FAM90A20: variants seen among roughly 807,000 people sequenced by gnomAD.
The protein encoded by FAM90A20 is protein FAM90A20.
chr8:7,297,425 A>C, the FAM90A20 span: 1 of 1,554,324 alleles, frequency 6.4e-7, no homozygotes, highest in Non-Finnish European at 8.7e-7. Flanking sequence ...TCCTGCGGTG[A>C]CCTCACAGCC....
At chr8:7,297,133 C>T in the FAM90A20 span, 16 of 1,522,658 alleles carry the variant, frequency 1.1e-5, 1 homozygote, top group East Asian at 4.5e-5. Flanking sequence ...TCTCTGGTCG[C>T]TCAGCTACCG....
chr8:7,297,842 A>G, the FAM90A20 span: 2 of 939,812 alleles, frequency 2.1e-6, no homozygotes, highest in Non-Finnish European at 3.3e-6. Context: ...CGGACGCTGG[A>G]GCTCCAGCCT....
chr8:7,296,396 G>T, the FAM90A20 span: 8 of 746,276 alleles, frequency 1.1e-5, no homozygotes, highest in East Asian at 2.5e-5. Flanking sequence ...GATTATCTGA[G>T]GGTGAGTGTC....
chr8:7,297,578 G>T, the FAM90A20 span: 1 of 1,511,106 alleles, frequency 6.6e-7, no homozygotes, highest in East Asian at 2.2e-5. Flanking sequence ...CCAGATCCCC[G>T]AAAGCACCAT....
the FAM90A20 span, chr8:7,296,285 G>T: frequency 2.8e-6 from 2 of 727,216 alleles, no homozygotes; most frequent in Non-Finnish European, 5.0e-6. Context: ...TTTCTGTTCT[G>T]CAGGCAACAA....
chr8:7,297,651 G>A, the FAM90A20 span: 258 of 1,397,102 alleles, frequency 1.8e-4, 17 homozygotes, highest in South Asian at 4.0e-4. Flanking sequence ...ACCGAACTTG[G>A]ACCAAGTAGG....
At chr8:7,297,601 G>T in the FAM90A20 span, 6 of 1,481,992 alleles carry the variant, frequency 4.0e-6, 1 homozygote, top group East Asian at 4.5e-5. Context: ...AGGGAGGTGA[G>T]CTGGGGGCCC....
the FAM90A20 span, chr8:7,297,557 C>G: frequency 5.9e-6 from 9 of 1,517,780 alleles, 1 homozygote; most frequent in South Asian, 4.5e-5. Context: ...GAAACCGAGA[C>G]TGGGTCCCTT....
chr8:7,297,600 A>C, the FAM90A20 span: 1 of 1,481,504 alleles, frequency 6.7e-7, no homozygotes, highest in Non-Finnish European at 9.1e-7. Context: ...CAGGGAGGTG[A>C]GCTGGGGGCC....
the FAM90A20 span, chr8:7,296,172 C>G: frequency 7.8e-6 from 5 of 642,946 alleles, no homozygotes; most frequent in Non-Finnish European, 1.4e-5. Context: ...GCGGAAAGGG[C>G]ACCAGATTTC....
At chr8:7,296,354 T>A in the FAM90A20 span, 34 of 745,688 alleles carry the variant, frequency 4.6e-5, 3 homozygotes, top group South Asian at 4.6e-4. Context: ...GAGAAGCCGC[T>A]GCCGAATGGA....
the FAM90A20 span, chr8:7,296,264 G>A: frequency 7.1e-6 from 5 of 706,954 alleles, 1 homozygote; most frequent in South Asian, 1.4e-5. Context: ...CAGGGGGCAC[G>A]GCCTGACCTT....
At chr8:7,295,084 G>A in the FAM90A20 span, 1 of 59,036 alleles carries the variant, frequency 1.7e-5, no homozygotes, top group Non-Finnish European at 2.8e-5. Flanking sequence ...CAGAAGCAGC[G>A]GAGGGCCCCA....
At chr8:7,297,761 A>C in the FAM90A20 span, 3 of 1,475,678 alleles carry the variant, frequency 2.0e-6, no homozygotes, top group East Asian at 2.2e-5. Flanking sequence ...GGCCTGCACC[A>C]TGTCCCATCA....
At chr8:7,296,478 A>T in the FAM90A20 span, 1 of 672,862 alleles carries the variant, frequency 1.5e-6, no homozygotes, top group Non-Finnish European at 2.7e-6. Flanking sequence ...CGTCTGCGGG[A>T]GGAAATCGGG....
chr8:7,297,622 C>T, the FAM90A20 span: 48 of 1,419,162 alleles, frequency 3.4e-5, 3 homozygotes, highest in Admixed American at 2.3e-4. Flanking sequence ...CGGAGAATCT[C>T]CAACCTCCAC....
chr8:7,297,613 G>A, the FAM90A20 span: 20 of 1,440,834 alleles, frequency 1.4e-5, 1 homozygote, highest in Middle Eastern at 2.4e-4. Flanking sequence ...TGGGGGCCCC[G>A]GAGAATCTCC....
chr8:7,296,572 A>G, the FAM90A20 span, among the ~76,000 whole-genome samples: 1 of 135,530 alleles, frequency 7.4e-6, no homozygotes, highest in Non-Finnish European at 1.5e-5. Context: ...TCATCTGAAG[A>G]TGCCGTATTT....
At chr8:7,296,099 G>T in the FAM90A20 span, among the ~76,000 whole-genome samples, 8 of 130,814 alleles carry the variant, frequency 6.1e-5, no homozygotes, top group South Asian at 2.2e-4. Context: ...ACAGTCCTTA[G>T]TTGGGAAGCC....
Sources: allele counts gnomAD v4.1 joint callset (sites outside exome capture counted in the v4.1 genomes callset), GRCh38; gene constraint gnomAD v4.1.1; transcripts MANE v1.5; gene names NCBI Gene and HGNC (gene_info 2026-07-23, HGNC 2026-07-21).